NALF1: variants seen among roughly 807,000 people sequenced by gnomAD.
NALF1 encodes the protein NALCN channel auxiliary factor 1, also known as family with sequence similarity 155 member A.
NALF1 carries 3 observed loss-of-function variants against 48.4 expected under a neutral mutation model. The observed-to-expected ratio is 0.06, with a 90% CI of 0.03 to 0.16. The LOEUF (loss-of-function observed/expected upper bound fraction) is 0.16, where lower values mean the gene tolerates loss of function less well. Ranked by LOEUF, NALF1 falls within the 10% of genes least tolerant of loss-of-function variation. NALF1 has a pLI of 1.00. For missense variants in NALF1, 526 were observed against 571.5 expected (o/e 0.92, Z 0.81); for synonymous variants, 262 against 245.7 (o/e 1.07, Z -0.62).
chr13:107,735,667 T>A (rs1272880108), intron 1 of NALF1, among the ~76,000 whole-genome samples: 2 of 152,184 alleles, frequency 1.3e-5, no homozygotes, highest in Non-Finnish European at 2.9e-5. Context: ...TGGACTGAAA[T>A]ACCCAATCGC....
chr13:107,325,069 C>G (rs1309693236), intron 1 of NALF1, among the ~76,000 whole-genome samples: 1 of 152,166 alleles, frequency 6.6e-6, no homozygotes, highest in African/African-American at 2.4e-5. Context: ...CAAGAGCTAT[C>G]TTGAAATCAT....
In NALF1 at chr13:107,867,221, C is replaced by G. The variant is rs1276138946; in HGVS notation, c.-625G>C. Among the ~76,000 whole-genome samples, 1 of 151,508 alleles carries G rather than the reference C, an allele frequency of 6.6e-6. No individual in the cohort carries two copies. The highest frequency in any genetic ancestry group is 1.5e-5 in the Non-Finnish European group (1 of 67,792). Reference sequence around the variant, plus strand: ...CTCCGCCTCCCGCTCCTGCTCCGCGCTGGCTCTCCCAGAGTCCGGAGCCTG... The same window carrying G: ...CTCCGCCTCCCGCTCCTGCTCCGCGGTGGCTCTCCCAGAGTCCGGAGCCTG... On this transcript the variant is annotated 5_prime_UTR_variant, in exon 1 of 3. Coordinates refer to ENST00000375915, the MANE Select transcript of NALF1 (RefSeq NM_001080396.3). The surrounding 1 kb of genome is among the most constrained non-coding windows in gnomAD (Gnocchi z 4.4).
At chr13:107,433,109 A>G (rs1884409656) in intron 1 of NALF1, among the ~76,000 whole-genome samples, 1 of 152,062 alleles carries the variant, frequency 6.6e-6, no homozygotes, top group African/African-American at 2.4e-5. Flanking sequence ...TGTTTTTGTC[A>G]CAACTAGACT....
At position 107,866,113 on chromosome 13, in the gene NALF1, C is replaced by T; in HGVS notation, c.484G>A (p.Ala162Thr). 1.2e-6 allele frequency: 2 copies of T among 1,612,738 alleles called. No homozygotes were observed. Among genetic ancestry groups the T allele is most frequent in the Non-Finnish European group, 8.5e-7 (1 of 1,179,858 alleles). The stretch of plus-strand genomic sequence containing the variant: ...GTCTCCAGGCGCCACACGGGCTTGG[C>T]AGAGTTTCCTAGAAAAAGAGCCTTG... ...RGKALFLGNS[A>T]KPVWRLETCY... The change falls in exon 1 of 3, where the codon GCC (alanine) becomes ACC (threonine). Residue 162 changes from alanine to threonine, a missense_variant. By Grantham distance (58) the Ala-to-Thr change is moderately conservative. This residue lies in a region of NALF1 where 373 missense variants were observed against 355.5 expected (regional missense o/e 1.05). Transcript: ENST00000375915. The surrounding 1 kb of genome is among the most constrained non-coding windows in gnomAD (Gnocchi z 4.4).
At chr13:107,745,433 A>T (rs763328624) in intron 1 of NALF1, among the ~76,000 whole-genome samples, 2 of 152,220 alleles carry the variant, frequency 1.3e-5, no homozygotes, top group Non-Finnish European at 2.9e-5. Flanking sequence ...TGTCTTTAGC[A>T]GTTCTAGTAT....
intron 1 of NALF1, among the ~76,000 whole-genome samples, chr13:107,713,075 T>G (rs575231394): frequency 3.9e-5 from 6 of 152,314 alleles, no homozygotes; most frequent in African/African-American, 1.4e-4. Flanking sequence ...AACGCCTTCC[T>G]GACCCACATC....
intron 1 of NALF1, among the ~76,000 whole-genome samples, chr13:107,850,728 C>T (rs1880287631): frequency 6.6e-6 from 1 of 152,038 alleles, no homozygotes; most frequent in Non-Finnish European, 1.5e-5. Context: ...CATGGTGAAA[C>T]TCCATCTCTA....
chr13:107,382,751 C>A (rs145810747), intron 1 of NALF1, among the ~76,000 whole-genome samples: 2 of 152,288 alleles, frequency 1.3e-5, no homozygotes, highest in African/African-American at 4.8e-5. Flanking sequence ...GTAAAATGCC[C>A]CCCACTTAAC....
intron 1 of NALF1, among the ~76,000 whole-genome samples, chr13:107,284,537 C>A (rs777980906): frequency 2.0e-5 from 3 of 152,032 alleles, no homozygotes; most frequent in African/African-American, 7.2e-5. Flanking sequence ...GAGATGGAAA[C>A]CATACAATGT....
chr13:107,177,529 T>C (rs1375522034), intron 2 of NALF1, among the ~76,000 whole-genome samples: 2 of 152,174 alleles, frequency 1.3e-5, no homozygotes, highest in African/African-American at 2.4e-5. Flanking sequence ...AACAGCATGA[T>C]ATTAACATAC....
chr13:107,293,532 G>T (rs1033427973), intron 1 of NALF1, among the ~76,000 whole-genome samples: 2 of 152,080 alleles, frequency 1.3e-5, no homozygotes, highest in African/African-American at 4.8e-5. Context: ...CTCCAGCATA[G>T]ACACTAACAA....
chr13:107,710,614 T>A (rs115213220), intron 1 of NALF1, among the ~76,000 whole-genome samples: 2,305 of 149,446 alleles, frequency 0.015, 69 homozygotes, highest in African/African-American at 0.057. Flanking sequence ...GCTACACTTT[T>A]AAACCCTCAG....
chr13:107,699,042 A>ATAGCT (rs1881759109), intron 1 of NALF1, among the ~76,000 whole-genome samples: 1 of 152,170 alleles, frequency 6.6e-6, no homozygotes, highest in Non-Finnish European at 1.5e-5. Context: ...GCAGCCTGTC[A>ATAGCT]TTGTAGGTCT....
chr13:107,382,282 G>T (rs1293826594), intron 1 of NALF1, among the ~76,000 whole-genome samples: 1 of 152,118 alleles, frequency 6.6e-6, no homozygotes, highest in Non-Finnish European at 1.5e-5. Flanking sequence ...TATAAATTAT[G>T]GCTTAAAAGC....
At chr13:107,717,560 T>C (rs1317961206) in intron 1 of NALF1, among the ~76,000 whole-genome samples, 1 of 148,968 alleles carries the variant, frequency 6.7e-6, no homozygotes, top group Non-Finnish European at 1.5e-5. Context: ...AGATGTTAGG[T>C]AAAAAGCTAC....
At chr13:107,610,173 T>G (rs1050066820) in intron 1 of NALF1, among the ~76,000 whole-genome samples, 2 of 152,200 alleles carry the variant, frequency 1.3e-5, no homozygotes, top group African/African-American at 4.8e-5. Context: ...AGGAAACTGG[T>G]ACAGCTACTT....
intron 1 of NALF1, among the ~76,000 whole-genome samples, chr13:107,223,059 A>G (rs1880027399): frequency 6.6e-6 from 1 of 152,218 alleles, no homozygotes; most frequent in African/African-American, 2.4e-5. Context: ...AATTGGGCTA[A>G]TAAGTACAAT....
At chr13:107,418,996 T>C (rs1184546145) in intron 1 of NALF1, among the ~76,000 whole-genome samples, 3 of 152,298 alleles carry the variant, frequency 2.0e-5, no homozygotes, top group South Asian at 2.1e-4. Context: ...AAGCTGAGTA[T>C]ATAAAATCAT....
intron 1 of NALF1, among the ~76,000 whole-genome samples, chr13:107,724,871 G>A (rs545572154): frequency 9.1e-4 from 138 of 152,158 alleles, no homozygotes; most frequent in African/African-American, 3.3e-3. Flanking sequence ...ATGAACCACC[G>A]TGCCTGGCCC....
Sources: gnomAD v4.1 joint callset for allele counts (sites outside exome capture counted in the v4.1 genomes callset) on GRCh38, gnomAD v4.1.1 for gene constraint, gnomAD v4.1.1 regional missense constraint, Gnocchi (gnomAD v3.1) non-coding constraint, MANE v1.5 for transcripts, NCBI Gene and HGNC (gene_info 2026-07-23, HGNC 2026-07-21) for gene names.